UBE2Q2: variants seen among roughly 807,000 people sequenced by gnomAD.
UBE2Q2 encodes ubiquitin-conjugating enzyme E2 Q2.
Under a neutral mutation model 59.9 loss-of-function variants are expected in UBE2Q2, and 54 were observed. The ratio of observed to expected loss-of-function variants is 0.90; its 90% CI spans 0.72 to 1.13. The LOEUF (loss-of-function observed/expected upper bound fraction) is 1.13. UBE2Q2 is among the 50% of genes most tolerant of loss of function. The pLI is 0.00. For synonymous variants in UBE2Q2, 165 were observed against 155.2 expected, an observed-to-expected ratio of 1.06 and a Z score of -0.47; for missense variants, 433 against 441.9, an observed-to-expected ratio of 0.98 and a Z score of 0.18.
At chr15:75,897,104 T>G (rs1899471506) in intron 12 of UBE2Q2, 43 bp downstream of exon 12, 6 of 1,268,348 alleles carry the variant, frequency 4.7e-6, no homozygotes, top group Non-Finnish European at 5.5e-6. Context: ...TTAAGAAGTT[T>G]TAGATAATGT....
intron 5 of UBE2Q2, among the ~76,000 whole-genome samples, chr15:75,875,053 G>A (rs1334449489): frequency 6.6e-6 from 1 of 152,158 alleles, no homozygotes; most frequent in Non-Finnish European, 1.5e-5. Flanking sequence ...AACAAAGTTT[G>A]TCATTTGAAT....
intron 5 of UBE2Q2, among the ~76,000 whole-genome samples, chr15:75,875,960 G>A (rs1236181406): frequency 6.6e-6 from 1 of 151,480 alleles, no homozygotes; most frequent in Admixed American, 6.6e-5. Flanking sequence ...CAGCTACTTG[G>A]GAGGCTGAGG....
At chr15:75,869,163 A>ACCT (rs1353935870) in intron 4 of UBE2Q2, among the ~76,000 whole-genome samples, 153 bp downstream of exon 4, 5 of 152,194 alleles carry the variant, frequency 3.3e-5, no homozygotes, top group African/African-American at 4.8e-5. Context: ...CTCTGGCTTT[A>ACCT]CCTCTAACTA....
intron 2 of UBE2Q2, among the ~76,000 whole-genome samples, chr15:75,856,225 GTATGTGTA>G (rs1373680872): frequency 6.2e-5 from 9 of 145,454 alleles, no homozygotes; most frequent in African/African-American, 1.6e-4. Context: ...GTTTATACAT[GTATGTGTA>G]TATGTGTATA....
rs1899706863 is a variant in UBE2Q2, at chr15:75,900,694, A to G, written c.*1236A>G. 6.6e-6 allele frequency: 1 copy of G among 152,660 alleles called. No homozygotes were observed. Among genetic ancestry groups the G allele is most frequent in the Non-Finnish European group, 1.5e-5 (1 of 68,038 alleles). 9.5% of individuals were successfully genotyped at this position (152,660 alleles called of 1,614,324 possible). On this transcript the variant is annotated 3_prime_UTR_variant, in exon 13 of 13. Coordinates refer to ENST00000267938, the MANE Select transcript of UBE2Q2 (RefSeq NM_173469.4). ...CACATCTGAGAGACTTGTCATTTCT[A>G]CATTGTGTGTGTTTAATTTCTTTTG...
At chr15:75,882,747 AT>A (rs1898503328) in intron 8 of UBE2Q2, among the ~76,000 whole-genome samples, 1 of 152,160 alleles carries the variant, frequency 6.6e-6, no homozygotes, top group Non-Finnish European at 1.5e-5. Context: ...ATTAATTAGA[AT>A]TTGCTTAAAA....
At chr15:75,865,095 A>G (rs1444116720) in intron 3 of UBE2Q2, among the ~76,000 whole-genome samples, 1 of 152,254 alleles carries the variant, frequency 6.6e-6, no homozygotes, top group African/African-American at 2.4e-5. Flanking sequence ...TTGGGAGCCA[A>G]CACCTAGCCA....
Position 75,900,265 on chromosome 15 carries a change from G to C in UBE2Q2, c.*807G>C, listed in dbSNP as rs979253285. ...TATTAACGGGATGTTGCAATCGTTT[G>C]TAAACTAATAAACTTATAAAGTGAT... On this transcript the variant is annotated 3_prime_UTR_variant, in exon 13 of 13. Transcript: ENST00000267938. The C allele has an allele frequency of 2.6e-5, 4 of 152,188 alleles. No homozygotes were observed. The highest frequency in any genetic ancestry group is 9.7e-5 in the African/African-American group (4 of 41,424). 9.4% of individuals were successfully genotyped at this position (152,188 alleles called of 1,614,324 possible). A position where few individuals can be genotyped will look rare whatever the true frequency, so the allele number is the denominator to read the frequency against.
intron 3 of UBE2Q2, among the ~76,000 whole-genome samples, chr15:75,866,654 A>G (rs1322431673): frequency 6.6e-6 from 1 of 151,560 alleles, no homozygotes; most frequent in Non-Finnish European, 1.5e-5. Flanking sequence ...TTTCTCCCCC[A>G]TCTCCTTTTT....
intron 8 of UBE2Q2, among the ~76,000 whole-genome samples, chr15:75,881,585 A>G (rs117981088): frequency 6.6e-6 from 1 of 152,288 alleles, no homozygotes; most frequent in East Asian, 1.9e-4. Context: ...TGAATTGCCA[A>G]GTTATTAGTA....
rs764317362 is a variant in UBE2Q2, at chr15:75,880,111, TG to T, written c.825+924del. ...TGTTATATTTAATAAGGTTTTTTTTTGTTTGTTTGTTTGTTTTTTGAGACAG... is the reference window on the plus strand; with the variant it reads ...TGTTATATTTAATAAGGTTTTTTTTTTTTGTTTGTTTGTTTTTTGAGACAG... On this transcript the variant is annotated intron_variant, in intron 8 of 12. Coordinates refer to ENST00000267938, the MANE Select transcript of UBE2Q2 (RefSeq NM_173469.4). 1.1e-3 allele frequency among the ~76,000 whole-genome samples: 153 copies of T among 140,468 alleles called. 1 individual carries two copies. The highest frequency in any genetic ancestry group is 1.4e-4 in the Non-Finnish European group (9 of 64,826). The allele number at this position is 140,468 out of a possible 152,430, so 92.2% of individuals were successfully genotyped here.
intron 9 of UBE2Q2, among the ~76,000 whole-genome samples, chr15:75,888,654 A>G (rs529433906): frequency 6.6e-6 from 1 of 152,358 alleles, no homozygotes; most frequent in African/African-American, 2.4e-5. Flanking sequence ...ATACAGAAGT[A>G]GAATCGGCCA....
At position 75,897,054 on chromosome 15, in the gene UBE2Q2, G is replaced by GA; in HGVS notation, c.1094dup (p.Asn365LysfsTer22). Reference sequence around the variant, plus strand: ...ATAATTCCATTGTACAGATACATGAGAAAAATGGTATGTTTAATTCAATAA... The same window carrying GA: ...ATAATTCCATTGTACAGATACATGAGAAAAAATGGTATGTTTAATTCAATAA... On this transcript the variant is annotated frameshift_variant, in exon 12 of 13. Coordinates refer to ENST00000267938, the MANE Select transcript of UBE2Q2 (RefSeq NM_173469.4). LOFTEE classifies it high-confidence loss of function. The GA allele has an allele frequency of 6.4e-7, 1 of 1,558,148 alleles. No homozygotes were observed. Among genetic ancestry groups the GA allele is most frequent in the Non-Finnish European group, 8.7e-7 (1 of 1,147,398 alleles).
At chr15:75,848,520 A>G (rs983293318) in intron 1 of UBE2Q2, among the ~76,000 whole-genome samples, 7 of 152,216 alleles carry the variant, frequency 4.6e-5, no homozygotes, top group Non-Finnish European at 1.0e-4. Context: ...TTATCTGACC[A>G]ATTTATAATA....
intron 1 of UBE2Q2, chr15:75,844,614 CTT>C: frequency 9.7e-7 from 1 of 1,026,096 alleles, no homozygotes; most frequent in Non-Finnish European, 1.4e-6. Context: ...CGAAAAGACA[CTT>C]TTAAAAACTC....
chr15:75,843,606 C>G lies in UBE2Q2; in HGVS notation c.-61C>G. 6.8e-7 allele frequency: 1 copy of G among 1,466,948 alleles called. No homozygotes were observed. The highest frequency in any genetic ancestry group is 9.1e-7 in the Non-Finnish European group (1 of 1,098,824). The allele number at this position is 1,466,948 out of a possible 1,614,324, so 90.9% of individuals were successfully genotyped here. A position where few individuals can be genotyped will look rare whatever the true frequency, so the allele number is the denominator to read the frequency against. ...CGCGGCCGTGACGGCGGCTCCGGGC[C>G]CGGCTCCCCTTCCGCGCCCGGCTCC... is the stretch of plus-strand genomic sequence containing the variant. On this transcript the variant is annotated 5_prime_UTR_variant, in exon 1 of 13. Transcript: ENST00000267938.
chr15:75,868,066 C>G, intron 3 of UBE2Q2, among the ~76,000 whole-genome samples: 1 of 152,174 alleles, frequency 6.6e-6, no homozygotes, highest in East Asian at 1.9e-4. Context: ...TTCTAATACC[C>G]TCTGTGATCA....
At chr15:75,898,997 C>T (rs1899593425) in intron 12 of UBE2Q2, among the ~76,000 whole-genome samples, 2 of 151,332 alleles carry the variant, frequency 1.3e-5, no homozygotes, top group East Asian at 1.9e-4. Flanking sequence ...CAGTGGCTCA[C>T]ACCTGTAATC....
At chr15:75,877,803 C>T (rs1457472576) in intron 6 of UBE2Q2, among the ~76,000 whole-genome samples, 158 bp from the exon 7 acceptor site, 1 of 152,172 alleles carries the variant, frequency 6.6e-6, no homozygotes, top group East Asian at 1.9e-4. Flanking sequence ...ATAAGATACT[C>T]AGCTGCAGTA....
Sources: gnomAD v4.1 joint callset for allele counts (sites outside exome capture counted in the v4.1 genomes callset) on GRCh38, gnomAD v4.1.1 for gene constraint, MANE v1.5 for transcripts, NCBI Gene and HGNC (gene_info 2026-07-23, HGNC 2026-07-21) for gene names.